Variants in UNC13C observed in about 807,000 individuals in gnomAD.
UNC13C encodes the protein protein unc-13 homolog C.
A neutral mutation model predicts 245.4 loss-of-function variants in UNC13C; 174 were observed. The observed-to-expected ratio is 0.71, with a 90% CI of 0.63 to 0.80. UNC13C has a LOEUF of 0.80. Ranked by LOEUF, UNC13C falls within the 30% of genes least tolerant of loss-of-function variation. The pLI is 0.00. For synonymous variants in UNC13C, 992 were observed against 895.1 expected (o/e 1.11, Z -1.93); for missense variants, 2,829 against 2,602.9 (o/e 1.09, Z -1.89).
At chr15:53,865,463 C>A in the UNC13C span, among the ~76,000 whole-genome samples, 1 of 152,154 alleles carries the variant, frequency 6.6e-6, no homozygotes, top group Non-Finnish European at 1.5e-5. Context: ...TGTGCATGAG[C>A]CCCTGGTGTC....
intron 17 of UNC13C, among the ~76,000 whole-genome samples, chr15:54,348,075 T>G (rs943096769): frequency 7.9e-5 from 12 of 152,172 alleles, no homozygotes; most frequent in Admixed American, 2.0e-4. Flanking sequence ...CAATATTAAT[T>G]TTTGAGAGCT....
intron 8 of UNC13C, among the ~76,000 whole-genome samples, chr15:54,253,384 G>T (rs1011767324): frequency 1.3e-5 from 2 of 152,162 alleles, no homozygotes; most frequent in Admixed American, 1.3e-4. Flanking sequence ...AATTGTACTT[G>T]ATGGTAGTTC....
chr15:54,012,010 A>G (rs1478368312), intron 1 of UNC13C, among the ~76,000 whole-genome samples: 1 of 152,236 alleles, frequency 6.6e-6, no homozygotes, highest in Non-Finnish European at 1.5e-5. Context: ...TTTCACTGAT[A>G]AAATATTAAG....
chr15:54,085,941 T>G (rs1428717788), intron 2 of UNC13C, among the ~76,000 whole-genome samples: 1 of 152,182 alleles, frequency 6.6e-6, no homozygotes, highest in Non-Finnish European at 1.5e-5. Context: ...CCTCCTTTTA[T>G]TTTAGTTGAC....
chr15:54,315,782 A>G (rs905902561), intron 13 of UNC13C, among the ~76,000 whole-genome samples: 3 of 151,846 alleles, frequency 2.0e-5, no homozygotes, highest in Non-Finnish European at 4.4e-5. Flanking sequence ...ACTTGGCAGA[A>G]GAACCATTCA....
At chr15:54,630,424 T>C (rs1269023811), downstream of UNC13C, 2 of 152,334 alleles carry the variant, frequency 1.3e-5, no homozygotes, top group Non-Finnish European at 2.9e-5. Flanking sequence ...TTTTCTCCTT[T>C]TAATTTCTCT....
chr15:53,922,206 G>A, the UNC13C span, among the ~76,000 whole-genome samples: 1 of 152,312 alleles, frequency 6.6e-6, no homozygotes, highest in East Asian at 1.9e-4. Flanking sequence ...CTAGCTAAGT[G>A]ACTGTTGGAA....
chr15:54,170,517 T>A (rs896198866), intron 4 of UNC13C, among the ~76,000 whole-genome samples: 4 of 152,162 alleles, frequency 2.6e-5, no homozygotes, highest in Admixed American at 6.5e-5. Flanking sequence ...GACTGTCAAG[T>A]TTTCCCTTTT....
chr15:54,157,021 G>A (rs2141260091), intron 4 of UNC13C, among the ~76,000 whole-genome samples: 1 of 152,138 alleles, frequency 6.6e-6, no homozygotes, highest in East Asian at 1.9e-4. Flanking sequence ...AGAGAGAAAA[G>A]GACTGTATGT....
intron 2 of UNC13C, among the ~76,000 whole-genome samples, chr15:54,099,861 G>A (rs1401068397): frequency 6.6e-6 from 1 of 152,080 alleles, no homozygotes; most frequent in South Asian, 2.1e-4. Flanking sequence ...TTGGGAGGCT[G>A]AGGCGGGTGG....
At chr15:54,388,252 C>G (rs560570986) in intron 17 of UNC13C, among the ~76,000 whole-genome samples, 1 of 152,152 alleles carries the variant, frequency 6.6e-6, no homozygotes. Flanking sequence ...CAGTAATTCT[C>G]TTCAAATATT....
At chr15:54,359,693 T>C (rs1005765953) in intron 17 of UNC13C, among the ~76,000 whole-genome samples, 1 of 152,000 alleles carries the variant, frequency 6.6e-6, no homozygotes, top group African/African-American at 2.4e-5. Flanking sequence ...GCATCTGTTA[T>C]GATGTCTCCT....
chr15:54,290,694 C>T (rs2037273419), intron 10 of UNC13C, among the ~76,000 whole-genome samples: 1 of 152,060 alleles, frequency 6.6e-6, no homozygotes, highest in Non-Finnish European at 1.5e-5. Flanking sequence ...GCATATTTAA[C>T]CACTTAATAC....
rs1897056296 is a variant in UNC13C, at chr15:54,555,582, G to T, written c.5958+70G>T. ...TTTACCTCCAGAGATAGGTAGCCCTGATCTTAGCCATGTATCAGTAGAGCT... is the reference window on the plus strand; with the variant it reads ...TTTACCTCCAGAGATAGGTAGCCCTTATCTTAGCCATGTATCAGTAGAGCT... On this transcript the variant is annotated intron_variant, in intron 29 of 32. Coordinates refer to ENST00000260323, the MANE Select transcript of UNC13C (RefSeq NM_001080534.3). 5.6e-5 allele frequency: 68 copies of T among 1,206,464 alleles called. 1 individual carries two copies. The South Asian group carries it at 8.4e-4, about 15-fold the overall frequency. The allele number at this position is 1,206,464 out of a possible 1,614,324, so 74.7% of individuals were successfully genotyped here.
chr15:54,313,886 A>G (rs2037939393), intron 13 of UNC13C, among the ~76,000 whole-genome samples: 1 of 151,748 alleles, frequency 6.6e-6, no homozygotes, highest in African/African-American at 2.4e-5. Flanking sequence ...CCTAAGTGTT[A>G]GTCAATGGGT....
intron 4 of UNC13C, among the ~76,000 whole-genome samples, chr15:54,192,997 T>G (rs1319593186): frequency 6.6e-6 from 1 of 152,060 alleles, no homozygotes; most frequent in Non-Finnish European, 1.5e-5. Flanking sequence ...GAAACTCAAG[T>G]AACTCAAAGC....
chr15:54,312,557 C>G (rs772073738), intron 13 of UNC13C, among the ~76,000 whole-genome samples: 6 of 151,774 alleles, frequency 4.0e-5, no homozygotes, highest in Non-Finnish European at 7.4e-5. Context: ...GTATATTGTT[C>G]CCAGGGTTCT....
intron 10 of UNC13C, among the ~76,000 whole-genome samples, chr15:54,282,933 C>A (rs543544969): frequency 8.5e-5 from 13 of 152,162 alleles, no homozygotes; most frequent in Admixed American, 8.5e-4. Context: ...TTTATAGGCA[C>A]AGGATGGTGT....
At chr15:53,891,488 G>A in the UNC13C span, among the ~76,000 whole-genome samples, 123 of 152,288 alleles carry the variant, frequency 8.1e-4, 1 homozygote, top group African/African-American at 2.9e-3. Flanking sequence ...CTATCATTGT[G>A]TGGGAGTCTA....
Sources: gnomAD v4.1 joint callset for allele counts (sites outside exome capture counted in the v4.1 genomes callset) on GRCh38, gnomAD v4.1.1 for gene constraint, MANE v1.5 for transcripts, NCBI Gene and HGNC (gene_info 2026-07-23, HGNC 2026-07-21) for gene names.